The following KNL1 variants were observed in gnomAD, a reference collection of about 807,000 sequenced individuals.
KNL1 encodes kinetochore scaffold 1, also known as outer kinetochore KNL1 complex subunit KNL1.
KNL1 carries 66 observed loss-of-function variants against 201.3 expected under a neutral mutation model. The observed-to-expected ratio is 0.33, with a 90% CI of 0.27 to 0.40. The LOEUF (loss-of-function observed/expected upper bound fraction) is 0.40. Among genes scored for constraint, KNL1 ranks in the 10% least tolerant of loss-of-function variants. The probability of loss-of-function intolerance (pLI) is 1.00; values close to 1 mark genes in which losing one functional copy is unlikely to be tolerated. For missense variants in KNL1, 2,815 were observed against 2,690.5 expected (o/e 1.05, Z -1.02); for synonymous variants, 895 against 899.2 (o/e 1.00, Z 0.08).
intron 1 of KNL1, among the ~76,000 whole-genome samples, chr15:40,594,779 C>T (rs1378305908): frequency 6.6e-6 from 1 of 152,242 alleles, no homozygotes; most frequent in African/African-American, 2.4e-5. Flanking sequence ...TTGTATTTCT[C>T]ACTTAAGCTT....
At position 40,649,509 on chromosome 15, in the gene KNL1, T is replaced by C. The variant is rs565404222; in HGVS notation, c.6095-792T>C. 1.3e-3 allele frequency among the ~76,000 whole-genome samples: 200 copies of C among 152,120 alleles called. 1 individual carries two copies. The highest frequency in any genetic ancestry group is 4.7e-3 in the African/African-American group (195 of 41,484). On this transcript the variant is annotated intron_variant, in intron 17 of 25. Coordinates refer to ENST00000399668, the MANE Select transcript of KNL1 (RefSeq NM_144508.5). ...TGGTGTTTCACCATCTTGGCCAGGC[T>C]GGTCTCAACTCCTGGCCTCAAGTGA... is the stretch of plus-strand genomic sequence containing the variant.
At chr15:40,642,226 C>T (rs1010181891) in intron 14 of KNL1, among the ~76,000 whole-genome samples, 74 of 152,130 alleles carry the variant, frequency 4.9e-4, no homozygotes, top group African/African-American at 1.7e-3. Flanking sequence ...AGTGAAACCC[C>T]GTCGCTACTA....
chr15:40,611,991 C>T (rs1892177901), intron 7 of KNL1, among the ~76,000 whole-genome samples: 1 of 151,958 alleles, frequency 6.6e-6, no homozygotes. Context: ...ACCAGCCTGG[C>T]CAACATGATG....
At chr15:40,659,795 T>C (rs1893851506) in intron 25 of KNL1, among the ~76,000 whole-genome samples, 1 of 151,972 alleles carries the variant, frequency 6.6e-6, no homozygotes, top group Admixed American at 6.6e-5. Flanking sequence ...TACTTTTTAA[T>C]GTTCATTTTA....
At chr15:40,660,405 A>G (rs1416125021) in intron 25 of KNL1, among the ~76,000 whole-genome samples, 1 of 151,524 alleles carries the variant, frequency 6.6e-6, no homozygotes, top group Admixed American at 6.6e-5. Flanking sequence ...AGTTGCTCAC[A>G]CCTGTAATCC....
chr15:40,616,290 A>G (rs546075838), intron 8 of KNL1, among the ~76,000 whole-genome samples: 1 of 149,478 alleles, frequency 6.7e-6, no homozygotes, highest in East Asian at 2.0e-4. Context: ...CACCCAGCTA[A>G]TTTTTTTTGT....
At chr15:40,604,850 C>T (rs1310535962) in intron 2 of KNL1, among the ~76,000 whole-genome samples, 1 of 152,176 alleles carries the variant, frequency 6.6e-6, no homozygotes, top group African/African-American at 2.4e-5. Context: ...GCCCATTTAT[C>T]TTATTATTAT....
At chr15:40,650,243 T>C in intron 17 of KNL1, 58 bp from the exon 18 acceptor site, 1 of 1,075,334 alleles carries the variant, frequency 9.3e-7, no homozygotes, top group South Asian at 1.5e-5. Flanking sequence ...TTCCTTACTT[T>C]GTTTTCTTTT....
intron 24 of KNL1, among the ~76,000 whole-genome samples, chr15:40,658,654 CGGT>C (rs956071857): frequency 4.7e-5 from 7 of 149,658 alleles, no homozygotes; most frequent in Non-Finnish European, 8.9e-5. Context: ...TGGGCTGGGA[CGGT>C]GGCTCACATG....
intron 25 of KNL1, among the ~76,000 whole-genome samples, chr15:40,659,711 A>G (rs1032021049): frequency 6.6e-6 from 1 of 151,914 alleles, no homozygotes; most frequent in Non-Finnish European, 1.5e-5. Flanking sequence ...CGATCTCCTG[A>G]CCTCGTGGTC....
At chr15:40,595,113 G>C (rs957183112) in intron 1 of KNL1, among the ~76,000 whole-genome samples, 1 of 152,228 alleles carries the variant, frequency 6.6e-6, no homozygotes, top group Non-Finnish European at 1.5e-5. Flanking sequence ...TGTGGATGAA[G>C]ACCAAAGCAG....
chr15:40,634,299 G>T (rs1459827770), intron 13 of KNL1, among the ~76,000 whole-genome samples: 1 of 152,122 alleles, frequency 6.6e-6, no homozygotes, highest in Non-Finnish European at 1.5e-5. Flanking sequence ...TAAAGACAGG[G>T]TTTCACCCTT....
chr15:40,621,448 C>G lies in KNL1; in HGVS notation c.1184C>G (p.Thr395Ser). The G allele has an allele frequency of 6.2e-7, 1 of 1,613,866 alleles. No individual in the cohort carries two copies. The highest frequency in any genetic ancestry group is 1.1e-5 in the South Asian group (1 of 91,074). ...AGAAGTCATATTATGGGGGCAGAAA[C>G]TCACATAGTCTCACAGACTTGTAAT... ...ITRSHIMGAE[T>S]HIVSQTCNQD... The change falls in exon 10 of 26, where the codon ACT becomes AGT. Residue 395 changes from threonine to serine, a missense_variant. Thr to Ser is a moderately conservative substitution (Grantham distance 58). This residue lies in a region of KNL1 where 2,464 missense variants were observed against 2,291.7 expected (regional missense o/e 1.08). Coordinates refer to ENST00000399668, the MANE Select transcript of KNL1 (RefSeq NM_144508.5).
Position 40,624,725 on chromosome 15 carries a change from AAAC to A in KNL1, c.4464_4466del (p.Asn1488del). 1 of 1,613,596 alleles carries A rather than the reference AAAC, an allele frequency of 6.2e-7. No individual in the cohort carries two copies. ...AAAATTCCTCTGCACCCATATGTGAAAACAAGCCCAAAATACTCAATAGTGAGG... is the reference window on the plus strand; with the variant it reads ...AAAATTCCTCTGCACCCATATGTGAAAAGCCCAAAATACTCAATAGTGAGG... On this transcript the variant is annotated inframe_deletion, in exon 10 of 26. Transcript: ENST00000399668.
At chr15:40,626,028 A>T (rs1276384195) in intron 10 of KNL1, 1 of 157,846 alleles carries the variant, frequency 6.3e-6, no homozygotes, top group Non-Finnish European at 1.4e-5. Context: ...CAGTGTTGTT[A>T]TATTTGGGGA....
intron 25 of KNL1, among the ~76,000 whole-genome samples, chr15:40,660,133 A>G (rs931343040): frequency 6.6e-6 from 1 of 151,692 alleles, no homozygotes; most frequent in African/African-American, 2.4e-5. Context: ...GGTGGTCTTG[A>G]TCTCTTGACC....
rs541300198 is a variant in KNL1 at position 40,611,906 on chromosome 15, G to A, written c.284+395G>A. Among the ~76,000 whole-genome samples, 20 of 152,250 alleles carry A rather than the reference G, an allele frequency of 1.3e-4. No homozygotes were observed. The South Asian group carries it at 3.1e-3, about 24-fold the overall frequency. The stretch of plus-strand genomic sequence containing the variant: ...TATATTGAGATATTTTTGGCTGGAC[G>A]TGGTGGCTCATGCCTGTAATCCGAG... On this transcript the variant is annotated intron_variant, in intron 7 of 25. Coordinates refer to ENST00000399668, the MANE Select transcript of KNL1 (RefSeq NM_144508.5).
intron 13 of KNL1, among the ~76,000 whole-genome samples, chr15:40,640,050 C>T (rs916200840): frequency 6.7e-6 from 1 of 150,266 alleles, no homozygotes; most frequent in African/African-American, 2.5e-5. Flanking sequence ...AAATAAGGAG[C>T]TGACTTGATT....
At chr15:40,613,523 C>G (rs1011022724) in intron 7 of KNL1, among the ~76,000 whole-genome samples, 1 of 152,110 alleles carries the variant, frequency 6.6e-6, no homozygotes, top group Non-Finnish European at 1.5e-5. Context: ...TCAACTCCAA[C>G]AGAACTTAAA....
Sources: allele counts gnomAD v4.1 joint callset (sites outside exome capture counted in the v4.1 genomes callset), GRCh38; gene constraint gnomAD v4.1.1; regional missense constraint gnomAD v4.1.1; transcripts MANE v1.5; gene names NCBI Gene and HGNC (gene_info 2026-07-23, HGNC 2026-07-21).